Variants in PKHD1 observed in about 807,000 individuals in gnomAD.
PKHD1 encodes PKHD1 ciliary IPT domain containing fibrocystin/polyductin.
Under a neutral mutation model 412.0 loss-of-function variants are expected in PKHD1, and 291 were observed. That is an observed-to-expected ratio of 0.71 (90% CI 0.64 to 0.78). The LOEUF (loss-of-function observed/expected upper bound fraction) is 0.78, where lower values mean the gene tolerates loss of function less well. Ranked by LOEUF, PKHD1 falls within the 30% of genes least tolerant of loss-of-function variation. The pLI is 0.00. For missense variants in PKHD1, 4,825 were observed against 4,950.7 expected (o/e 0.97, Z 0.76); for synonymous variants, 1,777 against 1,821.5 (o/e 0.98, Z 0.62).
chr6:52,072,590 C>A (rs1014675623), intron 7 of PKHD1, among the ~76,000 whole-genome samples: 1 of 152,108 alleles, frequency 6.6e-6, no homozygotes, highest in Non-Finnish European at 1.5e-5. Flanking sequence ...TTCTACCCCC[C>A]ACAAGAAGAG....
intron 60 of PKHD1, chr6:51,721,935 T>C: frequency 6.2e-7 from 1 of 1,612,926 alleles, no homozygotes; most frequent in Non-Finnish European, 8.5e-7. Context: ...TCACCCTGCT[T>C]CCTGCTGCCT....
At chr6:51,778,345 G>A (rs966025019) in intron 53 of PKHD1, among the ~76,000 whole-genome samples, 2 of 152,044 alleles carry the variant, frequency 1.3e-5, no homozygotes, top group South Asian at 2.1e-4. Flanking sequence ...AAGACATTCC[G>A]GATATTTTCA....
intron 60 of PKHD1, among the ~76,000 whole-genome samples, chr6:51,677,722 T>C (rs1776068962): frequency 6.6e-6 from 1 of 152,208 alleles, no homozygotes; most frequent in Admixed American, 6.5e-5. Context: ...ATATTTGTTC[T>C]CTTTTAATAA....
intron 54 of PKHD1, among the ~76,000 whole-genome samples, chr6:51,774,751 T>A (rs1195069390): frequency 6.6e-6 from 1 of 151,810 alleles, no homozygotes; most frequent in Admixed American, 6.6e-5. Context: ...TAAATTTATA[T>A]CTCATAGTGT....
At chr6:52,074,605 T>A (rs1562290797) in intron 6 of PKHD1, among the ~76,000 whole-genome samples, 2 of 152,190 alleles carry the variant, frequency 1.3e-5, no homozygotes, top group African/African-American at 4.8e-5. Context: ...GGGTTTTTGT[T>A]TTGTTTCTAA....
At chr6:51,683,992 G>T (rs575327251) in intron 60 of PKHD1, among the ~76,000 whole-genome samples, 1 of 152,064 alleles carries the variant, frequency 6.6e-6, no homozygotes, top group East Asian at 1.9e-4. Context: ...ATGTCCTTCT[G>T]CTCCCATATA....
chr6:51,965,297 C>A (rs1222851833), intron 35 of PKHD1, among the ~76,000 whole-genome samples: 1 of 152,040 alleles, frequency 6.6e-6, no homozygotes, highest in Non-Finnish European at 1.5e-5. Context: ...GATGGCTGAC[C>A]ACAGTGGAGA....
intron 55 of PKHD1, among the ~76,000 whole-genome samples, chr6:51,772,391 C>T (rs1311827767): frequency 1.3e-5 from 2 of 151,396 alleles, no homozygotes; most frequent in African/African-American, 4.8e-5. Context: ...GTATTCTTAC[C>T]TCATACTTCA....
At chr6:51,621,750 G>C (rs993198408) in intron 66 of PKHD1, 2 of 152,168 alleles carry the variant, frequency 1.3e-5, no homozygotes, top group Non-Finnish European at 2.9e-5. Flanking sequence ...GTTATAGACA[G>C]AACTAAGTCA....
intron 49 of PKHD1, among the ~76,000 whole-genome samples, chr6:51,851,816 A>G (rs1772303323): frequency 6.8e-6 from 1 of 148,014 alleles, no homozygotes. Context: ...TAATCTAGCT[A>G]GCGGTCTATC....
At chr6:51,622,138 G>A (rs1380031358) in intron 66 of PKHD1, among the ~76,000 whole-genome samples, 1 of 152,152 alleles carries the variant, frequency 6.6e-6, no homozygotes, top group African/African-American at 2.4e-5. Flanking sequence ...CTGGTTCTGG[G>A]TTCTTTCGGG....
chr6:51,886,430 G>A (rs1778226224), intron 44 of PKHD1, among the ~76,000 whole-genome samples: 1 of 152,188 alleles, frequency 6.6e-6, no homozygotes. Context: ...TGGGGAAAAT[G>A]TGGTGTATAT....
intron 52 of PKHD1, among the ~76,000 whole-genome samples, chr6:51,799,751 G>A (rs148735126): frequency 6.6e-6 from 1 of 152,278 alleles, no homozygotes; most frequent in Non-Finnish European, 1.5e-5. Flanking sequence ...TCTCTCTTTT[G>A]AGGAGTGGAA....
At position 51,831,276 on chromosome 6, in the gene PKHD1, G is replaced by A. The variant is rs1571086; in HGVS notation, c.8174-287C>T. Among the ~76,000 whole-genome samples the A allele has an allele frequency of 0.44, 67,348 of 151,916 alleles. 16,006 individuals carry two copies. Among genetic ancestry groups the A allele is most frequent in the Middle Eastern group, 0.61 (180 of 294 alleles). On this transcript the variant is annotated intron_variant, in intron 51 of 66. Coordinates refer to ENST00000371117, the MANE Select transcript of PKHD1 (RefSeq NM_138694.4). ...ATATTTAAAAAATGCAAATAAGAAAGGTAATAATTGCCCATAATCTCACTA... is the reference window on the plus strand; with the variant it reads ...ATATTTAAAAAATGCAAATAAGAAAAGTAATAATTGCCCATAATCTCACTA...
chr6:51,653,369 C>A (rs949013835), intron 61 of PKHD1, among the ~76,000 whole-genome samples: 1 of 152,050 alleles, frequency 6.6e-6, no homozygotes, highest in African/African-American at 2.4e-5. Flanking sequence ...TTTTTTCTGG[C>A]ACTGTGGTCT....
chr6:52,083,188 G>T lies in PKHD1; in HGVS notation c.120C>A (p.Val40=). Residue 40 remains valine (V), a synonymous_variant, in exon 3 of 67, where the codon GTC becomes GTA. Coordinates refer to ENST00000371117, the MANE Select transcript of PKHD1 (RefSeq NM_138694.4). The part of the protein sequence containing the change: ...GSLAGGTWIT[V]IFDGLELGVL... ...AAAACCCCAACCTACCATCAAAAAT[G>T]ACTGTGATCCACGTTCCCCCTGCAA... 1 of 1,604,764 alleles carries T rather than the reference G, an allele frequency of 6.2e-7. No homozygotes were observed.
intron 35 of PKHD1, among the ~76,000 whole-genome samples, chr6:52,002,008 G>GTTAA (rs1798459651): frequency 6.6e-6 from 1 of 152,146 alleles, no homozygotes; most frequent in South Asian, 2.1e-4. Context: ...GAGACACTGC[G>GTTAA]TTAAGTGCAC....
At chr6:51,742,994 A>G (rs927854222) in intron 60 of PKHD1, among the ~76,000 whole-genome samples, 1 of 152,160 alleles carries the variant, frequency 6.6e-6, no homozygotes, top group Non-Finnish European at 1.5e-5. Context: ...AGTGATACAC[A>G]TACCATGTTA....
Position 51,669,965 on chromosome 6 carries a change from A to C in PKHD1, c.10157-9996T>G, listed in dbSNP as rs1256496138. 4.0e-5 allele frequency among the ~76,000 whole-genome samples: 6 copies of C among 151,446 alleles called. No homozygotes were observed. The East Asian group carries it at 1.2e-3, about 29-fold the overall frequency. On this transcript the variant is annotated intron_variant, in intron 60 of 66. Coordinates refer to ENST00000371117, the MANE Select transcript of PKHD1 (RefSeq NM_138694.4). ...ATTTGCTGAGGAGAGCTTTACTTCC[A>C]ACTATGTGGTCAATTTTGGAACAGG...
Sources: gnomAD v4.1 joint callset for allele counts (sites outside exome capture counted in the v4.1 genomes callset) on GRCh38, gnomAD v4.1.1 for gene constraint, MANE v1.5 for transcripts, NCBI Gene and HGNC (gene_info 2026-07-23, HGNC 2026-07-21) for gene names.